The following ZHX3 variants were observed in gnomAD, a reference collection of about 807,000 sequenced individuals.
ZHX3 encodes the protein zinc fingers and homeoboxes 3, also known as zinc fingers and homeoboxes protein 3.
A neutral mutation model predicts 64.5 loss-of-function variants in ZHX3; 20 were observed. The observed-to-expected ratio is 0.31, with a 90% CI of 0.22 to 0.45. The LOEUF is 0.45. Ranked by LOEUF, ZHX3 falls within the 20% of genes least tolerant of loss-of-function variation. ZHX3 has a pLI of 1.00. For missense variants in ZHX3, 1,041 were observed against 1,195.8 expected (o/e 0.87, Z 1.91); for synonymous variants, 423 against 461.6 (o/e 0.92, Z 1.07).
intron 1 of ZHX3, among the ~76,000 whole-genome samples, chr20:41,311,044 G>A (rs958431661): frequency 1.3e-5 from 2 of 151,962 alleles, no homozygotes; most frequent in Non-Finnish European, 2.9e-5. Context: ...TCTTAACCTC[G>A]TGATCCGCCC....
At chr20:41,264,098 A>T (rs2042701333) in intron 2 of ZHX3, among the ~76,000 whole-genome samples, 1 of 152,080 alleles carries the variant, frequency 6.6e-6, no homozygotes. Flanking sequence ...ACCTAACCAG[A>T]CCAACATCTT....
intron 1 of ZHX3, among the ~76,000 whole-genome samples, chr20:41,272,614 A>G (rs527953888): frequency 3.9e-5 from 6 of 152,286 alleles, no homozygotes; most frequent in Non-Finnish European, 7.4e-5. Flanking sequence ...ATTCCCTAAA[A>G]ATGCAATCAA....
chr20:41,303,056 T>C (rs2044871425), intron 1 of ZHX3, among the ~76,000 whole-genome samples: 1 of 152,196 alleles, frequency 6.6e-6, no homozygotes, highest in Non-Finnish European at 1.5e-5. Context: ...TTAAAATATG[T>C]TTTCTCATTT....
rs893735900 is a variant in ZHX3, at chr20:41,182,284, G to T, written c.*2907C>A. 2.6e-5 allele frequency: 4 copies of T among 152,220 alleles called. No homozygotes were observed. Among genetic ancestry groups the T allele is most frequent in the Non-Finnish European group, 5.9e-5 (4 of 68,040 alleles). 9.4% of individuals were successfully genotyped at this position (152,220 alleles called of 1,614,324 possible). A position where few individuals can be genotyped will look rare whatever the true frequency, so the allele number is the denominator to read the frequency against. ...AACTGCATACAGAGAAAAGGGATAA[G>T]ATTAGCCACTTTTTATAGGCTTTTT... On this transcript the variant is annotated 3_prime_UTR_variant, in exon 4 of 4. Coordinates refer to ENST00000683867, the MANE Select transcript of ZHX3 (RefSeq NM_001384317.1). This position sits in a 1 kb window ranked among gnomAD's most constrained non-coding sequence, Gnocchi z 6.1.
At position 41,202,379 on chromosome 20, in the gene ZHX3, G is replaced by A; in HGVS notation, c.2538C>T (p.Asn846=). The A allele has an allele frequency of 1.9e-6, 3 of 1,614,194 alleles. No individual in the cohort carries two copies. The highest frequency in any genetic ancestry group is 2.5e-6 in the Non-Finnish European group (3 of 1,180,038). Residue 846 remains asparagine, a synonymous_variant, in exon 3 of 4, where the codon AAC becomes AAT. Transcript: ENST00000683867. The surrounding 1 kb of genome is among the most constrained non-coding windows in gnomAD (Gnocchi z 7.0). ...PPGLLVIAPG[N]RELLQDYYMT... ...TGTAATAGTCCTGCAGGAGCTCCCG[G>A]TTGCCAGGGGCAATGACCAGTAGCC...
In ZHX3 at chr20:41,178,699, C is replaced by T. The variant is rs968421227; in HGVS notation, c.*6492G>A. On this transcript the variant is annotated 3_prime_UTR_variant, in exon 4 of 4. Coordinates refer to ENST00000683867, the MANE Select transcript of ZHX3 (RefSeq NM_001384317.1). The stretch of plus-strand genomic sequence containing the variant: ...GCCTCAGCACGACCACAGTCCAAAC[C>T]GAAGTTAAGTTCCATTTTTTTGTTA... 5.2e-5 allele frequency: 8 copies of T among 152,628 alleles called. No homozygotes were observed. Among genetic ancestry groups the T allele is most frequent in the Admixed American group, 4.6e-4 (7 of 15,290 alleles). The allele number at this position is 152,628 out of a possible 1,614,324, so 9.5% of individuals were successfully genotyped here.
intron 1 of ZHX3, among the ~76,000 whole-genome samples, chr20:41,294,538 T>G (rs1180049880): frequency 2.6e-5 from 4 of 152,102 alleles, no homozygotes; most frequent in African/African-American, 9.7e-5. Flanking sequence ...AATTTTTGTA[T>G]TTTTAGTAGA....
intron 1 of ZHX3, among the ~76,000 whole-genome samples, chr20:41,294,324 T>C (rs535654320): frequency 6.6e-6 from 1 of 152,336 alleles, no homozygotes; most frequent in Non-Finnish European, 1.5e-5. Flanking sequence ...CTTAAACTTA[T>C]GAGTAAATGA....
At position 41,226,280 on chromosome 20, in the gene ZHX3, C is replaced by T. The variant is rs1242011091; in HGVS notation, c.-150-21214G>A. On this transcript the variant is annotated intron_variant, in intron 2 of 3. Transcript: ENST00000683867. This position sits in a 1 kb window ranked among gnomAD's most constrained non-coding sequence, Gnocchi z 4.4. ...GGCGTGCTGGCGAATGGCATGAACG[C>T]GGGAGGTGGAGGTTGCAGTAAACTG... 6.6e-6 allele frequency among the ~76,000 whole-genome samples: 1 copy of T among 152,008 alleles called. No homozygotes were observed. Among genetic ancestry groups the T allele is most frequent in the South Asian group, 2.1e-4 (1 of 4,794 alleles).
intron 2 of ZHX3, among the ~76,000 whole-genome samples, chr20:41,220,189 C>T (rs1363593880): frequency 1.3e-5 from 2 of 152,168 alleles, no homozygotes; most frequent in African/African-American, 4.8e-5. Context: ...GACTTTCTAC[C>T]CACCTCTGTC....
chr20:41,285,076 A>G (rs1160128827), intron 1 of ZHX3, among the ~76,000 whole-genome samples: 1 of 151,908 alleles, frequency 6.6e-6, no homozygotes, highest in Non-Finnish European at 1.5e-5. Context: ...GCATCTCCCC[A>G]CTGCAAATAC....
chr20:41,250,955 TG>T (rs2146507232), intron 2 of ZHX3, among the ~76,000 whole-genome samples: 1 of 152,246 alleles, frequency 6.6e-6, no homozygotes, highest in South Asian at 2.1e-4. Context: ...GAGACCAGCT[TG>T]GCCAACATGG....
At chr20:41,190,533 A>AT (rs1250957077) in intron 3 of ZHX3, among the ~76,000 whole-genome samples, 2 of 151,254 alleles carry the variant, frequency 1.3e-5, no homozygotes, top group South Asian at 2.1e-4. Context: ...TGTTTTATAT[A>AT]TTTTTTTCCT....
At chr20:41,279,852 C>A (rs2043582803) in intron 1 of ZHX3, among the ~76,000 whole-genome samples, 1 of 151,924 alleles carries the variant, frequency 6.6e-6, no homozygotes, top group Admixed American at 6.6e-5. Flanking sequence ...ACCATAGAAC[C>A]CTAGGGGGGA....
At chr20:41,245,213 C>G (rs1042065358) in intron 2 of ZHX3, among the ~76,000 whole-genome samples, 4 of 152,160 alleles carry the variant, frequency 2.6e-5, no homozygotes, top group African/African-American at 7.2e-5. Flanking sequence ...GTGGTTATAA[C>G]AAGCTCCTTT....
At position 41,271,428 on chromosome 20, in the gene ZHX3, GT is replaced by G. The variant is rs931058911; in HGVS notation, c.-244-2346del. Among the ~76,000 whole-genome samples, 3 of 152,178 alleles carry G rather than the reference GT, an allele frequency of 2.0e-5. 1 individual carries two copies. The highest frequency in any genetic ancestry group is 4.4e-5 in the Non-Finnish European group (3 of 68,040). Reference sequence around the variant, plus strand: ...ACCCTTACTCAACCAAGGCATTAGAGTTCAGTTGATTGGTTGATTCAGATGA... The same window carrying G: ...ACCCTTACTCAACCAAGGCATTAGAGTCAGTTGATTGGTTGATTCAGATGA... On this transcript the variant is annotated intron_variant, in intron 1 of 3. Transcript: ENST00000683867.
intron 1 of ZHX3, chr20:41,300,052 G>A (rs989391650): frequency 3.3e-5 from 5 of 152,216 alleles, no homozygotes; most frequent in Non-Finnish European, 5.9e-5. Context: ...TATAAAGGCA[G>A]AAGCTCATCT....
chr20:41,185,409 A>C lies in ZHX3; in HGVS notation c.2861-208T>G, dbSNP rs2036436116. ...GACAGGATGCTGGCTCAACCTTGTAAGGCCATCAGACTCTCTGAGAGACCC... is the reference window on the plus strand; with the variant it reads ...GACAGGATGCTGGCTCAACCTTGTACGGCCATCAGACTCTCTGAGAGACCC... On this transcript the variant is annotated intron_variant, in intron 3 of 3. Coordinates refer to ENST00000683867, the MANE Select transcript of ZHX3 (RefSeq NM_001384317.1). The surrounding 1 kb of genome is among the most constrained non-coding windows in gnomAD (Gnocchi z 5.0). Among the ~76,000 whole-genome samples the C allele has an allele frequency of 1.3e-5, 2 of 152,190 alleles. No individual in the cohort carries two copies. Among genetic ancestry groups the C allele is most frequent in the South Asian group, 4.1e-4 (2 of 4,820 alleles).
intron 1 of ZHX3, among the ~76,000 whole-genome samples, chr20:41,309,459 T>C (rs2045068019): frequency 1.3e-5 from 2 of 152,232 alleles, no homozygotes; most frequent in Admixed American, 6.5e-5. Context: ...GCCTGGAATC[T>C]GTTTTTTTAA....
Sources: gnomAD v4.1 joint callset for allele counts (sites outside exome capture counted in the v4.1 genomes callset) on GRCh38, gnomAD v4.1.1 for gene constraint, Gnocchi (gnomAD v3.1) non-coding constraint, MANE v1.5 for transcripts, NCBI Gene and HGNC (gene_info 2026-07-23, HGNC 2026-07-21) for gene names.